TPCN1: variants seen among roughly 807,000 people sequenced by gnomAD.
The protein encoded by TPCN1 is two pore segment channel 1.
Under a neutral mutation model 108.8 loss-of-function variants are expected in TPCN1, and 52 were observed. The observed-to-expected ratio is 0.48, with a 90% confidence interval of 0.38 to 0.60. TPCN1 has a LOEUF of 0.60. Ranked by LOEUF, TPCN1 falls within the 20% of genes least tolerant of loss-of-function variation. The pLI is 0.00. For missense variants in TPCN1, 806 were observed against 1,072.8 expected (o/e 0.75, Z 3.47); for synonymous variants, 446 against 433.7 (o/e 1.03, Z -0.35).
chr12:113,238,673 A>C (rs1284762012), intron 2 of TPCN1, among the ~76,000 whole-genome samples: 1 of 152,204 alleles, frequency 6.6e-6, no homozygotes, highest in Non-Finnish European at 1.5e-5. Context: ...ACAGTCTCTC[A>C]TTCTCCAGGT....
chr12:113,283,110 T>TA (rs1955947599), intron 15 of TPCN1, among the ~76,000 whole-genome samples: 1 of 152,122 alleles, frequency 6.6e-6, no homozygotes, highest in African/African-American at 2.4e-5. Context: ...GTAAAATACT[T>TA]ACATGGTTCC....
At chr12:113,290,299 C>CG in intron 22 of TPCN1, 56 bp downstream of exon 22, 1 of 1,231,592 alleles carries the variant, frequency 8.1e-7, no homozygotes, top group Non-Finnish European at 1.2e-6. Flanking sequence ...CCTTGTCACC[C>CG]TTGTCACCAC....
In TPCN1 at chr12:113,277,357, C is replaced by T. The variant is rs763567547; in HGVS notation, c.1177C>T (p.Leu393=). 2.5e-6 allele frequency: 4 copies of T among 1,614,088 alleles called. No individual in the cohort carries two copies. In the African/African-American group the frequency reaches 4.0e-5, roughly 16 times the overall value. ...GGCCCTGAATCAGAACAACACACCC[C>T]TGCTCAGGTAAGAGCAGATGCCTGG... The part of the protein sequence containing the change: ...FKALNQNNTP[L]LSLKDFYDIY... Residue 393 remains leucine, a synonymous_variant, in exon 12 of 28, where the codon CTG becomes TTG. Coordinates refer to ENST00000335509, the MANE Select transcript of TPCN1 (RefSeq NM_017901.6).
chr12:113,286,857 CG>C (rs1566198787), intron 18 of TPCN1, 129 bp from the exon 19 acceptor site: 1 of 679,180 alleles, frequency 1.5e-6, no homozygotes. Context: ...TTCCCGCAGC[CG>C]GCTGGTTCCT....
intron 4 of TPCN1, 110 bp from the exon 5 acceptor site, chr12:113,267,733 T>C: frequency 1.4e-6 from 1 of 696,988 alleles, no homozygotes; most frequent in Non-Finnish European, 2.6e-6. Flanking sequence ...AACTCTGATA[T>C]GTGTTGGGAG....
chr12:113,290,146 T>C lies in TPCN1; in HGVS notation c.1815T>C (p.Asp605=), dbSNP rs1183906392. ...PNCCNTSTVA[D]AYRWRNHTVG... is the part of the protein sequence containing the mutation. ...CGGCCAGCACGAGTACAGTGGCAGA[T>C]GCCTACCGCTGGCGCAACCACACCG... Residue 605 remains aspartate, a synonymous_variant, in exon 22 of 28, where the codon GAT becomes GAC. Coordinates refer to ENST00000335509, the MANE Select transcript of TPCN1 (RefSeq NM_017901.6). 3 of 1,598,380 alleles carry C rather than the reference T, an allele frequency of 1.9e-6. No homozygotes were observed. Among genetic ancestry groups the C allele is most frequent in the Non-Finnish European group, 2.6e-6 (3 of 1,172,008 alleles).
At chr12:113,286,018 C>G (rs1956063281) in intron 18 of TPCN1, 57 bp downstream of exon 18, 7 of 1,449,136 alleles carry the variant, frequency 4.8e-6, no homozygotes, top group Non-Finnish European at 6.8e-6. Context: ...TGGCCCCAGA[C>G]CCTTCTCTGC....
At chr12:113,267,355 C>T (rs1264244457) in intron 4 of TPCN1, among the ~76,000 whole-genome samples, 2 of 151,416 alleles carry the variant, frequency 1.3e-5, no homozygotes, top group Non-Finnish European at 2.9e-5. Context: ...TGAAATCCCT[C>T]TTAGAACAAG....
At chr12:113,264,572 G>A (rs997061571) in intron 3 of TPCN1, among the ~76,000 whole-genome samples, 4 of 151,932 alleles carry the variant, frequency 2.6e-5, no homozygotes, top group South Asian at 2.1e-4. Flanking sequence ...CCAGCTACCC[G>A]GGAGGCTGAG....
Position 113,268,379 on chromosome 12 carries a change from G to A in TPCN1, c.529-363G>A, listed in dbSNP as rs1334541425. 6.6e-6 allele frequency among the ~76,000 whole-genome samples: 1 copy of A among 152,292 alleles called. No individual in the cohort carries two copies. Among genetic ancestry groups the A allele is most frequent in the South Asian group, 2.1e-4 (1 of 4,830 alleles). On this transcript the variant is annotated intron_variant, in intron 5 of 27. Transcript: ENST00000335509. The surrounding 1 kb of genome is among the most constrained non-coding windows in gnomAD (Gnocchi z 7.3). ...ATTTTGTAGTGTGTGGAGCATGTGCGCTACTCTAGGAGAATATAGCCAAGT... is the reference window on the plus strand; with the variant it reads ...ATTTTGTAGTGTGTGGAGCATGTGCACTACTCTAGGAGAATATAGCCAAGT...
chr12:113,262,232 A>G (rs1060658), intron 3 of TPCN1, among the ~76,000 whole-genome samples: 1 of 152,174 alleles, frequency 6.6e-6, no homozygotes, highest in Admixed American at 6.5e-5. Context: ...GCAACATGGC[A>G]GAACCCATCT....
chr12:113,277,139 C>T (rs942372662), intron 11 of TPCN1, 101 bp from the exon 12 acceptor site: 2 of 1,602,196 alleles, frequency 1.2e-6, no homozygotes, highest in Non-Finnish European at 1.7e-6. Context: ...ACCAGGAACC[C>T]TGCCCTTGGA....
At position 113,288,686 on chromosome 12, in the gene TPCN1, A is replaced by T. The variant is rs2136748363; in HGVS notation, c.1707-72A>T. ...CCCTGCAGTCAGCCCCACGGGTCCG[A>T]GGAGGCCGGGGCTGCAGAGGAGCCG... On this transcript the variant is annotated intron_variant, in intron 20 of 27. Coordinates refer to ENST00000335509, the MANE Select transcript of TPCN1 (RefSeq NM_017901.6). This position sits in a 1 kb window ranked among gnomAD's most constrained non-coding sequence, Gnocchi z 4.8. 1 of 1,592,214 alleles carries T rather than the reference A, an allele frequency of 6.3e-7. No individual in the cohort carries two copies. Among genetic ancestry groups the T allele is most frequent in the African/African-American group, 1.3e-5 (1 of 74,866 alleles).
chr12:113,246,590 C>T (rs552815437), intron 2 of TPCN1, among the ~76,000 whole-genome samples: 4 of 152,324 alleles, frequency 2.6e-5, no homozygotes, highest in African/African-American at 7.2e-5. Context: ...GGCCCGGTTG[C>T]CTCCCAGGAA....
At chr12:113,293,405 G>A (rs1956332325) in intron 27 of TPCN1, 56 bp downstream of exon 27, 2 of 1,534,224 alleles carry the variant, frequency 1.3e-6, no homozygotes, top group Non-Finnish European at 1.8e-6. Flanking sequence ...TCCTGGGAGG[G>A]GCAGGGAGCT....
chr12:113,279,612 G>T (rs1303206515), intron 14 of TPCN1, among the ~76,000 whole-genome samples: 2 of 150,958 alleles, frequency 1.3e-5, no homozygotes, highest in African/African-American at 4.9e-5. Context: ...CACCATGCTG[G>T]CCAGGCTGAT....
At position 113,266,286 on chromosome 12, in the gene TPCN1, C is replaced by T. The variant is rs138531225; in HGVS notation, c.344C>T (p.Thr115Met). Reference protein sequence around the residue: ...NHLFYLMELATALLLLLLSLC... With the variant: ...NHLFYLMELAMALLLLLLSLC... ...CTCTTCTACCTGATGGAGCTGGCCACGGCCCTGCTGCTGCTGCTGCTCTCC... is the reference window on the plus strand; with the variant it reads ...CTCTTCTACCTGATGGAGCTGGCCATGGCCCTGCTGCTGCTGCTGCTCTCC... The change falls in exon 4 of 28, where the codon ACG becomes ATG. Residue 115 changes from threonine to methionine, a missense_variant. Coordinates refer to ENST00000335509, the MANE Select transcript of TPCN1 (RefSeq NM_017901.6). The surrounding 1 kb of genome is among the most constrained non-coding windows in gnomAD (Gnocchi z 4.2). The T allele has an allele frequency of 2.3e-4, 376 of 1,613,496 alleles. No individual in the cohort carries two copies. Among genetic ancestry groups the T allele is most frequent in the Non-Finnish European group, 3.0e-4 (351 of 1,180,040 alleles).
In TPCN1 at chr12:113,293,018, C is replaced by G; in HGVS notation, c.2198C>G (p.Ala733Gly). The G allele has an allele frequency of 6.2e-7, 1 of 1,613,188 alleles. No individual in the cohort carries two copies. The highest frequency in any genetic ancestry group is 1.3e-5 in the African/African-American group (1 of 75,034). The change falls in exon 26 of 28, where the codon GCC becomes GGC. Residue 733 changes from alanine to glycine, a missense_variant. By Grantham distance (60) the Ala-to-Gly change is moderately conservative (BLOSUM62 0). Transcript: ENST00000335509. ...VLELYREARGASSDVTRLLET... is the reference protein window; with the variant it reads ...VLELYREARGGSSDVTRLLET... Reference sequence around the variant, plus strand: ...GAGCTCTACCGGGAGGCACGGGGGGCCTCCTCGGATGTCACCAGGCTGCTG... The same window carrying G: ...GAGCTCTACCGGGAGGCACGGGGGGGCTCCTCGGATGTCACCAGGCTGCTG...
At chr12:113,270,065 G>A (rs780542460) in intron 7 of TPCN1, among the ~76,000 whole-genome samples, 2 of 152,046 alleles carry the variant, frequency 1.3e-5, no homozygotes, top group Non-Finnish European at 2.9e-5. Flanking sequence ...GCGTGGTGGT[G>A]CACACCTGTA....
Sources: gnomAD v4.1 joint callset for allele counts (sites outside exome capture counted in the v4.1 genomes callset) on GRCh38, gnomAD v4.1.1 for gene constraint, Gnocchi (gnomAD v3.1) non-coding constraint, MANE v1.5 for transcripts, NCBI Gene and HGNC (gene_info 2026-07-23, HGNC 2026-07-21) for gene names.